DOCK2: variants seen among roughly 807,000 people sequenced by gnomAD.
DOCK2 encodes dedicator of cytokinesis 2.
DOCK2 carries 87 observed loss-of-function variants against 248.9 expected under a neutral mutation model. That is an observed-to-expected ratio of 0.35 (90% CI 0.29 to 0.42). DOCK2 has a LOEUF of 0.42. Ranked by LOEUF, DOCK2 falls within the 10% of genes least tolerant of loss-of-function variation. The probability of loss-of-function intolerance (pLI) is 1.00; values close to 1 mark genes in which losing one functional copy is unlikely to be tolerated. For synonymous variants in DOCK2, 805 were observed against 821.6 expected (o/e 0.98, Z 0.35); for missense variants, 1,747 against 2,300.2 (o/e 0.76, Z 4.92).
intron 27 of DOCK2, among the ~76,000 whole-genome samples, chr5:169,935,663 T>C (rs1202665872): frequency 1.3e-5 from 2 of 152,222 alleles, no homozygotes; most frequent in Non-Finnish European, 2.9e-5. Flanking sequence ...ACGTTGCCGA[T>C]GCGGTGAAGT....
At chr5:169,840,635 G>A in intron 26 of DOCK2, 122 bp from the exon 27 acceptor site, 9 of 724,090 alleles carry the variant, frequency 1.2e-5, no homozygotes, top group South Asian at 3.2e-5. Context: ...GGCAGTAGTG[G>A]TGGTGGTGTT....
At chr5:169,843,853 G>A (rs1294496153) in intron 27 of DOCK2, among the ~76,000 whole-genome samples, 1 of 152,066 alleles carries the variant, frequency 6.6e-6, no homozygotes. Flanking sequence ...ATGTTTTTGA[G>A]GTTTGTCCAT....
chr5:169,893,942 C>T (rs1773442680), intron 27 of DOCK2, among the ~76,000 whole-genome samples: 2 of 152,182 alleles, frequency 1.3e-5, no homozygotes, highest in East Asian at 1.9e-4. Context: ...CAATCTCTTC[C>T]TGTAGATTGT....
chr5:169,953,265 G>A (rs1173701440), intron 27 of DOCK2, among the ~76,000 whole-genome samples: 3 of 151,490 alleles, frequency 2.0e-5, no homozygotes, highest in Non-Finnish European at 4.4e-5. Context: ...CCCAGGAGGC[G>A]GAGGTTGCAG....
chr5:169,711,778 A>G (rs1761599510), intron 15 of DOCK2, among the ~76,000 whole-genome samples, 157 bp from the exon 16 acceptor site: 1 of 152,180 alleles, frequency 6.6e-6, no homozygotes, highest in South Asian at 2.1e-4. Context: ...GTTCTTCTGT[A>G]ATTTATTTAC....
intron 27 of DOCK2, among the ~76,000 whole-genome samples, chr5:169,896,663 A>G (rs535251990): frequency 1.6e-4 from 24 of 151,960 alleles, no homozygotes; most frequent in African/African-American, 5.1e-4. Flanking sequence ...CAGTATCATC[A>G]TTATTATTAT....
intron 45 of DOCK2, among the ~76,000 whole-genome samples, chr5:170,067,967 G>A (rs898558560): frequency 6.6e-6 from 1 of 152,204 alleles, no homozygotes; most frequent in Non-Finnish European, 1.5e-5. Context: ...GCAGATTCAG[G>A]TGGCTCTATT....
intron 38 of DOCK2, among the ~76,000 whole-genome samples, chr5:170,044,507 T>C (rs10040662): frequency 0.59 from 89,746 of 151,980 alleles, 27,992 homozygotes; most frequent in African/African-American, 0.8. Context: ...AGCGTTTCTT[T>C]TCCCTGTTCA....
At chr5:169,884,058 T>C (rs953349241) in intron 27 of DOCK2, 2 of 556,712 alleles carry the variant, frequency 3.6e-6, no homozygotes, top group African/African-American at 3.7e-5. Context: ...TGTTGGCCAT[T>C]CCCAGCCTCT....
At chr5:170,056,849 G>A in intron 43 of DOCK2, 81 bp downstream of exon 43, 1 of 1,290,294 alleles carries the variant, frequency 7.8e-7, no homozygotes, top group Non-Finnish European at 1.1e-6. Flanking sequence ...CTCAGAATGG[G>A]AAGGAACTTG....
intron 36 of DOCK2, among the ~76,000 whole-genome samples, chr5:170,037,479 A>ATT (rs537505396): frequency 1.0e-4 from 14 of 139,196 alleles, no homozygotes; most frequent in South Asian, 9.5e-4. Context: ...CACAAAAACA[A>ATT]ATTTTTTTTT....
At chr5:170,067,729 A>G (rs1176646595) in intron 45 of DOCK2, 43 bp downstream of exon 45, 2 of 1,605,286 alleles carry the variant, frequency 1.2e-6, no homozygotes, top group African/African-American at 1.3e-5. Context: ...CTCGGTGAGC[A>G]GAGCAGTGGT....
chr5:169,946,561 C>T (rs535964348), intron 27 of DOCK2, among the ~76,000 whole-genome samples: 15 of 152,198 alleles, frequency 9.9e-5, no homozygotes, highest in African/African-American at 2.2e-4. Flanking sequence ...AGTCACTCAT[C>T]CATTCATTCA....
chr5:169,733,921 A>G (rs996233667), intron 22 of DOCK2, among the ~76,000 whole-genome samples: 12 of 152,148 alleles, frequency 7.9e-5, no homozygotes, highest in African/African-American at 2.9e-4. Flanking sequence ...GAAGTTTTGA[A>G]TATTTAATAC....
At chr5:170,019,237 A>C (rs1224817257) in intron 33 of DOCK2, 129 bp downstream of exon 33, 2 of 1,403,616 alleles carry the variant, frequency 1.4e-6, no homozygotes, top group Non-Finnish European at 2.0e-6. Context: ...ACATTTATTC[A>C]TGGGTCCGGA....
At chr5:169,886,125 C>A (rs940437040) in intron 27 of DOCK2, among the ~76,000 whole-genome samples, 16 of 152,068 alleles carry the variant, frequency 1.1e-4, no homozygotes, top group South Asian at 2.1e-4. Flanking sequence ...AAGAAAAAAA[C>A]CCCTCTTTTT....
chr5:169,730,894 T>TTC (rs949847209), intron 22 of DOCK2, among the ~76,000 whole-genome samples: 18 of 151,994 alleles, frequency 1.2e-4, no homozygotes, highest in Non-Finnish European at 2.4e-4. Flanking sequence ...CTCTCTCTTT[T>TTC]TTTTAGAGAC....
At chr5:169,684,498 T>C in intron 8 of DOCK2, 148 bp downstream of exon 8, 1 of 1,103,132 alleles carries the variant, frequency 9.1e-7, no homozygotes, top group South Asian at 1.9e-5. Flanking sequence ...TCTTTGGAGG[T>C]TGTAGGAGTC....
intron 27 of DOCK2, among the ~76,000 whole-genome samples, chr5:169,872,331 G>T (rs971217483): frequency 6.6e-6 from 1 of 152,216 alleles, no homozygotes; most frequent in African/African-American, 2.4e-5. Context: ...CATCTCTGGG[G>T]AAGAATTACA....
Sources: allele counts gnomAD v4.1 joint callset (sites outside exome capture counted in the v4.1 genomes callset), GRCh38; gene constraint gnomAD v4.1.1; transcripts MANE v1.5; gene names NCBI Gene and HGNC (gene_info 2026-07-23, HGNC 2026-07-21).